The following RAB3C variants were observed in gnomAD, a reference collection of about 807,000 sequenced individuals.
The protein encoded by RAB3C is ras-related protein Rab-3C.
Under a neutral mutation model 26.4 loss-of-function variants are expected in RAB3C, and 17 were observed. The observed-to-expected ratio is 0.64, with a 90% CI of 0.44 to 0.97. The LOEUF (loss-of-function observed/expected upper bound fraction) is 0.97, where lower values mean the gene tolerates loss of function less well. Among genes scored for constraint, RAB3C ranks in the 50% least tolerant of loss-of-function variants. The pLI is 0.00. For missense variants in RAB3C, 242 were observed against 281.9 expected (o/e 0.86, Z 1.01); for synonymous variants, 91 against 95.9 (o/e 0.95, Z 0.30).
chr5:58,820,154 G>A (rs1269404847), intron 3 of RAB3C, among the ~76,000 whole-genome samples: 1 of 151,064 alleles, frequency 6.6e-6, no homozygotes, highest in African/African-American at 2.4e-5. Flanking sequence ...GACCTAAGAA[G>A]GGAAGATACA....
chr5:58,833,324 TCACACACACACACACA>T (rs571940681), intron 4 of RAB3C, among the ~76,000 whole-genome samples: 1 of 141,070 alleles, frequency 7.1e-6, no homozygotes, highest in Non-Finnish European at 1.5e-5. Context: ...ACGGACCCCA[TCACACACACACACACA>T]CACACACACA....
At chr5:58,693,957 A>G (rs551195515) in intron 2 of RAB3C, among the ~76,000 whole-genome samples, 1 of 152,268 alleles carries the variant, frequency 6.6e-6, no homozygotes, top group South Asian at 2.1e-4. Context: ...TTATACTTTA[A>G]GTTCTAGGGT....
intron 3 of RAB3C, among the ~76,000 whole-genome samples, chr5:58,808,209 A>G (rs1218903000): frequency 6.8e-6 from 1 of 147,440 alleles, no homozygotes; most frequent in African/African-American, 2.6e-5. Context: ...TGGGTGACAG[A>G]GCAAGACTCC....
intron 2 of RAB3C, among the ~76,000 whole-genome samples, chr5:58,648,537 A>C (rs977217541): frequency 6.6e-5 from 10 of 152,226 alleles, no homozygotes; most frequent in Admixed American, 6.5e-5. Flanking sequence ...AAATAAAAAC[A>C]AAATATTCTC....
chr5:58,643,220 G>T (rs1747447724), intron 2 of RAB3C, among the ~76,000 whole-genome samples: 1 of 152,172 alleles, frequency 6.6e-6, no homozygotes, highest in Admixed American at 6.5e-5. Flanking sequence ...GATAATTAGA[G>T]TCATAACAGC....
chr5:58,593,645 T>G (rs546322826), intron 1 of RAB3C, among the ~76,000 whole-genome samples: 9 of 152,342 alleles, frequency 5.9e-5, no homozygotes, highest in Admixed American at 5.2e-4. Context: ...AATTACTTTC[T>G]TTTGCCAACT....
chr5:58,778,997 A>C (rs1254325343), intron 3 of RAB3C, among the ~76,000 whole-genome samples: 2 of 152,170 alleles, frequency 1.3e-5, no homozygotes, highest in Non-Finnish European at 1.5e-5. Context: ...GACAGCTTAT[A>C]TATCCCATCA....
chr5:58,722,823 A>G (rs567753265), intron 2 of RAB3C, among the ~76,000 whole-genome samples: 1 of 151,984 alleles, frequency 6.6e-6, no homozygotes, highest in South Asian at 2.1e-4. Context: ...ACTTTACGAC[A>G]TCTATGTTTA....
chr5:58,847,866 A>ATTTG (rs1328270094), intron 4 of RAB3C, among the ~76,000 whole-genome samples: 1 of 151,716 alleles, frequency 6.6e-6, no homozygotes, highest in African/African-American at 2.4e-5. Context: ...TTATTTATTT[A>ATTTG]TTTATTTGAG....
intron 2 of RAB3C, among the ~76,000 whole-genome samples, chr5:58,712,816 T>C (rs1037662862): frequency 2.6e-5 from 4 of 152,202 alleles, no homozygotes; most frequent in African/African-American, 9.6e-5. Context: ...TAAGCCACCA[T>C]GCCTGACCTA....
At chr5:58,826,183 T>C (rs911905837) in intron 4 of RAB3C, among the ~76,000 whole-genome samples, 2 of 151,466 alleles carry the variant, frequency 1.3e-5, no homozygotes, top group Admixed American at 1.3e-4. Flanking sequence ...CCCGGGGAGA[T>C]CAGGTGTGGA....
intron 2 of RAB3C, among the ~76,000 whole-genome samples, chr5:58,687,693 T>C (rs1157907192): frequency 6.6e-6 from 1 of 152,106 alleles, no homozygotes; most frequent in East Asian, 1.9e-4. Flanking sequence ...AGCTTAATAT[T>C]GGCATAAATT....
intron 4 of RAB3C, chr5:58,846,982 A>C (rs1415205971): frequency 6.6e-6 from 1 of 152,086 alleles, no homozygotes; most frequent in Non-Finnish European, 1.5e-5. Flanking sequence ...GGTAGGAGTG[A>C]CCCTTTCAGG....
intron 1 of RAB3C, among the ~76,000 whole-genome samples, chr5:58,613,234 A>T (rs530276298): frequency 6.6e-6 from 1 of 152,268 alleles, no homozygotes; most frequent in East Asian, 1.9e-4. Context: ...CTATTGAACC[A>T]AGGCCTACCT....
intron 3 of RAB3C, among the ~76,000 whole-genome samples, chr5:58,800,562 T>C (rs1011449725): frequency 3.9e-5 from 6 of 152,208 alleles, no homozygotes; most frequent in Non-Finnish European, 5.9e-5. Context: ...GTAAGTATAA[T>C]AGAAACGCTG....
intron 4 of RAB3C, among the ~76,000 whole-genome samples, chr5:58,830,171 A>C (rs1743581412): frequency 6.6e-6 from 1 of 152,228 alleles, no homozygotes; most frequent in Non-Finnish European, 1.5e-5. Flanking sequence ...ATACTGGCTT[A>C]ATTAAACAAT....
At chr5:58,674,518 A>G (rs957462454) in intron 2 of RAB3C, among the ~76,000 whole-genome samples, 2 of 152,240 alleles carry the variant, frequency 1.3e-5, no homozygotes, top group Non-Finnish European at 2.9e-5. Flanking sequence ...CCAAGAAATC[A>G]TGTTTCCTGC....
chr5:58,619,049 T>C (rs1366529844), intron 2 of RAB3C, among the ~76,000 whole-genome samples: 2 of 152,186 alleles, frequency 1.3e-5, no homozygotes, highest in Non-Finnish European at 2.9e-5. Flanking sequence ...GAATGACCTT[T>C]ACACATCCTA....
intron 1 of RAB3C, among the ~76,000 whole-genome samples, chr5:58,592,043 C>T (rs1746143059): frequency 6.6e-6 from 1 of 151,916 alleles, no homozygotes; most frequent in Admixed American, 6.6e-5. Flanking sequence ...AAATTACAGG[C>T]ATGTGCAACC....
Sources: gnomAD v4.1 joint callset for allele counts (sites outside exome capture counted in the v4.1 genomes callset) on GRCh38, gnomAD v4.1.1 for gene constraint, MANE v1.5 for transcripts, NCBI Gene and HGNC (gene_info 2026-07-23, HGNC 2026-07-21) for gene names.